ZC3HAV1: variants seen among roughly 807,000 people sequenced by gnomAD.
ZC3HAV1 encodes the protein zinc finger CCCH-type antiviral protein 1.
Under a neutral mutation model 86.6 loss-of-function variants are expected in ZC3HAV1, and 41 were observed. The observed-to-expected ratio is 0.47, with a 90% CI of 0.37 to 0.61. ZC3HAV1 has a LOEUF of 0.61. ZC3HAV1 is among the 20% of genes least tolerant of loss of function. ZC3HAV1 has a pLI of 0.00. For synonymous variants in ZC3HAV1, 421 were observed against 432.1 expected (o/e 0.97, Z 0.32); for missense variants, 964 against 1,141.1 (o/e 0.84, Z 2.24).
chr7:139,047,465 G>A lies in ZC3HAV1; in HGVS notation c.*129C>T. 1 of 1,327,568 alleles carries A rather than the reference G, an allele frequency of 7.5e-7. No homozygotes were observed. The highest frequency in any genetic ancestry group is 1.4e-5 in the South Asian group (1 of 73,728). The allele number at this position is 1,327,568 out of a possible 1,614,324, so 82.2% of individuals were successfully genotyped here. A position where few individuals can be genotyped will look rare whatever the true frequency, so the allele number is the denominator to read the frequency against. On this transcript the variant is annotated 3_prime_UTR_variant, in exon 13 of 13. Coordinates refer to ENST00000242351, the MANE Select transcript of ZC3HAV1 (RefSeq NM_020119.4). The stretch of plus-strand genomic sequence containing the variant: ...GATTCTAATATGTAGCAAAATTTGG[G>A]GACCACTGATCTAAGACATTAGATA...
intron 6 of ZC3HAV1, among the ~76,000 whole-genome samples, chr7:139,074,730 A>G (rs1816884734): frequency 6.6e-6 from 1 of 151,972 alleles, no homozygotes; most frequent in African/African-American, 2.4e-5. Context: ...AAATGGATAT[A>G]CATGAATATG....
At chr7:139,057,618 A>C (rs1246331059) in intron 9 of ZC3HAV1, among the ~76,000 whole-genome samples, 1 of 22,390 alleles carries the variant, frequency 4.5e-5, no homozygotes, top group Non-Finnish European at 7.8e-5. Context: ...GGCTCACTGC[A>C]AGCTCCGCCT....
Position 139,047,181 on chromosome 7 carries a change from T to G in ZC3HAV1, c.*413A>C, listed in dbSNP as rs1584831411. 5.0e-6 allele frequency: 1 copy of G among 200,368 alleles called. No homozygotes were observed. Among genetic ancestry groups the G allele is most frequent in the Non-Finnish European group, 1.0e-5 (1 of 99,804 alleles). The allele number at this position is 200,368 out of a possible 1,614,324, so 12.4% of individuals were successfully genotyped here. A position where few individuals can be genotyped will look rare whatever the true frequency, so the allele number is the denominator to read the frequency against. ...GTCTCTACTAAAAAATACAAAAAAT[T>G]AGCTGGGCGCGGCAGTGTGTGCCTG... On this transcript the variant is annotated 3_prime_UTR_variant, in exon 13 of 13. Transcript: ENST00000242351.
Position 139,055,305 on chromosome 7 carries a change from A to T in ZC3HAV1, c.2097-10T>A. 1 of 1,608,934 alleles carries T rather than the reference A, an allele frequency of 6.2e-7. No homozygotes were observed. The highest frequency in any genetic ancestry group is 2.2e-5 in the East Asian group (1 of 44,744). ...CTTTGCTGGCTGATGGCTACAAATA[A>T]AGAGAAAGAATTCACTTAACTCTCT... On this transcript the variant is annotated splice_polypyrimidine_tract_variant and intron_variant, in intron 9 of 12. Transcript: ENST00000242351.
chr7:139,101,233 T>G (rs933173236), intron 1 of ZC3HAV1, among the ~76,000 whole-genome samples: 4 of 151,622 alleles, frequency 2.6e-5, no homozygotes, highest in Non-Finnish European at 5.9e-5. Flanking sequence ...CCTCCCAAAG[T>G]GCCGAGATCG....
chr7:139,082,392 C>T (rs755405545), intron 3 of ZC3HAV1, among the ~76,000 whole-genome samples: 3 of 151,670 alleles, frequency 2.0e-5, no homozygotes, highest in Non-Finnish European at 2.9e-5. Flanking sequence ...ATGTGCACTG[C>T]TGGCAGAAAT....
rs749513554 is a variant in ZC3HAV1 at position 139,047,703 on chromosome 7, C to T, written c.2600G>A (p.Cys867Tyr). ...YTSPPPQFDS[C>Y]VDTRSNPSVF... ...GGAGGGATTCGATCTGGTATCCACACAGCTGTCGAACTGTGGAGGAGGGCT... is the reference window on the plus strand; with the variant it reads ...GGAGGGATTCGATCTGGTATCCACATAGCTGTCGAACTGTGGAGGAGGGCT... Residue 867 changes from cysteine (C) to tyrosine (Y), a missense_variant, in exon 13 of 13, where the codon TGT becomes TAT. Coordinates refer to ENST00000242351, the MANE Select transcript of ZC3HAV1 (RefSeq NM_020119.4). 1 of 1,614,122 alleles carries T rather than the reference C, an allele frequency of 6.2e-7. No individual in the cohort carries two copies. Among genetic ancestry groups the T allele is most frequent in the Admixed American group, 1.7e-5 (1 of 60,010 alleles).
At chr7:139,051,053 C>T (rs1816106875) in intron 12 of ZC3HAV1, among the ~76,000 whole-genome samples, 2 of 151,998 alleles carry the variant, frequency 1.3e-5, no homozygotes. Context: ...TCCACAGGAC[C>T]TGTTCCTTTT....
chr7:139,103,276 T>TTTTTTTTA (rs1817832131), intron 1 of ZC3HAV1, among the ~76,000 whole-genome samples: 1 of 150,390 alleles, frequency 6.6e-6, no homozygotes, highest in Non-Finnish European at 1.5e-5. Flanking sequence ...TTTTTTTATT[T>TTTTTTTTA]TTTTTTTATT....
intron 9 of ZC3HAV1, among the ~76,000 whole-genome samples, chr7:139,058,436 C>T (rs1255824293): frequency 1.5e-5 from 1 of 66,078 alleles, no homozygotes; most frequent in African/African-American, 8.1e-5. Context: ...CAACCTAACC[C>T]CCAACCCCCC....
intron 1 of ZC3HAV1, among the ~76,000 whole-genome samples, chr7:139,101,897 G>A (rs1817784597): frequency 2.0e-5 from 3 of 151,692 alleles, no homozygotes; most frequent in Non-Finnish European, 4.4e-5. Context: ...CTCTGCCTAG[G>A]AAAACCAGAG....
In ZC3HAV1 at chr7:139,079,528, A is replaced by C. The variant is rs530439298; in HGVS notation, c.1413T>G (p.Asp471Glu). ...RIQDAGPASR[D>E]VQATGRIADD... The stretch of plus-strand genomic sequence containing the variant: ...CTGCGATTCTGCCAGTGGCCTGGAC[A>C]TCTCGGGAAGCAGGTCCAGCATCCT... Residue 471 changes from aspartate to glutamate, a missense_variant, in exon 4 of 13, where the codon GAT becomes GAG. Physicochemically the swap from Asp to Glu is conservative, Grantham distance 45. Coordinates refer to ENST00000242351, the MANE Select transcript of ZC3HAV1 (RefSeq NM_020119.4). 3.7e-6 allele frequency: 6 copies of C among 1,614,160 alleles called. No homozygotes were observed. The East Asian group carries it at 1.3e-4, about 36-fold the overall frequency.
intron 1 of ZC3HAV1, among the ~76,000 whole-genome samples, chr7:139,097,960 T>G (rs1304576205): frequency 6.6e-6 from 1 of 151,772 alleles, no homozygotes; most frequent in African/African-American, 2.4e-5. Context: ...TACCTTTTTT[T>G]TTAAGATGGA....
At chr7:139,056,406 T>C (rs889208447) in intron 9 of ZC3HAV1, among the ~76,000 whole-genome samples, 2 of 77,358 alleles carry the variant, frequency 2.6e-5, no homozygotes, top group Admixed American at 1.2e-4. Context: ...TTTCTTTTTC[T>C]TTTCTTTTCT....
At chr7:139,071,921 A>G (rs533395797) in intron 7 of ZC3HAV1, among the ~76,000 whole-genome samples, 3 of 152,360 alleles carry the variant, frequency 2.0e-5, no homozygotes, top group African/African-American at 4.8e-5. Flanking sequence ...ACCTCACCAC[A>G]GCACACAGGG....
intron 9 of ZC3HAV1, chr7:139,060,673 TAA>T (rs35979655): frequency 0.034 from 29,832 of 883,606 alleles, 1 homozygote; most frequent in South Asian, 0.064. Context: ...AGACCCCCTC[TAA>T]AAAAAAAAAA....
At chr7:139,053,096 T>A (rs1053416389) in intron 12 of ZC3HAV1, among the ~76,000 whole-genome samples, 2 of 152,100 alleles carry the variant, frequency 1.3e-5, no homozygotes, top group Non-Finnish European at 2.9e-5. Flanking sequence ...AACTGAAGCC[T>A]CATATAGCTT....
chr7:139,099,580 T>C (rs1205511903), intron 1 of ZC3HAV1, among the ~76,000 whole-genome samples: 1 of 152,132 alleles, frequency 6.6e-6, no homozygotes, highest in South Asian at 2.1e-4. Flanking sequence ...GGTTTCTCTT[T>C]GGGGTGATGA....
Position 139,073,761 on chromosome 7 carries a change from G to T in ZC3HAV1, c.1872+95C>A. On this transcript the variant is annotated intron_variant, in intron 7 of 12. Coordinates refer to ENST00000242351, the MANE Select transcript of ZC3HAV1 (RefSeq NM_020119.4). ...CTGCCTCAGCCTCCCAAAGTGCTGGGCTTACAGGCATGAGCCACCGTGCCC... is the reference window on the plus strand; with the variant it reads ...CTGCCTCAGCCTCCCAAAGTGCTGGTCTTACAGGCATGAGCCACCGTGCCC... 4 of 1,319,246 alleles carry T rather than the reference G, an allele frequency of 3.0e-6. No individual in the cohort carries two copies. In the South Asian group the frequency reaches 6.1e-5, roughly 20 times the overall value. The allele number at this position is 1,319,246 out of a possible 1,614,324, so 81.7% of individuals were successfully genotyped here.
Sources: allele counts gnomAD v4.1 joint callset (sites outside exome capture counted in the v4.1 genomes callset), GRCh38; gene constraint gnomAD v4.1.1; transcripts MANE v1.5; gene names NCBI Gene and HGNC (gene_info 2026-07-23, HGNC 2026-07-21).